Variants in SLC16A9 observed in about 807,000 individuals in gnomAD.
SLC16A9 encodes solute carrier family 16 member 9.
SLC16A9 carries 26 observed loss-of-function variants against 44.3 expected under a neutral mutation model. The observed-to-expected ratio is 0.59, with a 90% CI of 0.43 to 0.81. SLC16A9 has a LOEUF of 0.81. Ranked by LOEUF, SLC16A9 falls within the 40% of genes least tolerant of loss-of-function variation. The pLI is 0.00. For synonymous variants in SLC16A9, 230 were observed against 225.1 expected (o/e 1.02, Z -0.19); for missense variants, 559 against 595.8 (o/e 0.94, Z 0.64).
At chr10:59,683,611 G>A (rs902947324) in intron 2 of SLC16A9, among the ~76,000 whole-genome samples, 2 of 152,186 alleles carry the variant, frequency 1.3e-5, no homozygotes, top group Non-Finnish European at 2.9e-5. Flanking sequence ...TGACCACAGT[G>A]TATCTGAAAC....
chr10:59,664,045 A>AAAG (rs1554868150), intron 4 of SLC16A9, among the ~76,000 whole-genome samples, 182 bp downstream of exon 4: 4,279 of 151,016 alleles, frequency 0.028, 192 homozygotes, highest in African/African-American at 0.097. Flanking sequence ...AAAAAAAAAA[A>AAAG]AAAGAAAGCT....
chr10:59,679,685 T>C (rs1262689935), intron 2 of SLC16A9, among the ~76,000 whole-genome samples: 2 of 152,206 alleles, frequency 1.3e-5, no homozygotes, highest in Non-Finnish European at 2.9e-5. Flanking sequence ...TAGATTGGTG[T>C]TTGAACAACT....
At chr10:59,673,573 T>A (rs1839797880) in intron 2 of SLC16A9, among the ~76,000 whole-genome samples, 1 of 152,174 alleles carries the variant, frequency 6.6e-6, no homozygotes, top group Non-Finnish European at 1.5e-5. Flanking sequence ...GACCAAGGAT[T>A]TGAAAGCAAA....
rs979936566 is a variant in SLC16A9 at position 59,667,525 on chromosome 10, C to T, written c.341-3203G>A. Among the ~76,000 whole-genome samples the T allele has an allele frequency of 1.1e-4, 16 of 152,174 alleles. 1 individual carries two copies. Among genetic ancestry groups the T allele is most frequent in the Non-Finnish European group, 1.5e-4 (10 of 68,028 alleles). On this transcript the variant is annotated intron_variant, in intron 3 of 5. Transcript: ENST00000395348. Reference sequence around the variant, plus strand: ...TATTTACGTTAACATCTACTGGATTCGTTATCTTGAAATGAATAGCTAAAC... The same window carrying T: ...TATTTACGTTAACATCTACTGGATTTGTTATCTTGAAATGAATAGCTAAAC...
At chr10:59,698,700 A>C (rs1292640766) in intron 1 of SLC16A9, among the ~76,000 whole-genome samples, 2 of 150,170 alleles carry the variant, frequency 1.3e-5, no homozygotes, top group Non-Finnish European at 3.0e-5. Context: ...TCCAAGCCAC[A>C]CTCAGCTGAC....
chr10:59,657,721 C>T (rs180799491), intron 4 of SLC16A9, among the ~76,000 whole-genome samples: 7 of 152,332 alleles, frequency 4.6e-5, no homozygotes, highest in Non-Finnish European at 5.9e-5. Context: ...AGAATTATAA[C>T]TGCTAACACT....
chr10:59,654,002 T>A lies in SLC16A9; in HGVS notation c.1024A>T (p.Ile342Phe). 1 of 1,613,948 alleles carries A rather than the reference T, an allele frequency of 6.2e-7. No individual in the cohort carries two copies. The highest frequency in any genetic ancestry group is 1.3e-5 in the African/African-American group (1 of 75,060). Reference sequence around the variant, plus strand: ...CCTATAATGGAAATAAGTGGCATAATAAACTCTTCTTCTTTCACGTTTGAA... The same window carrying A: ...CCTATAATGGAAATAAGTGGCATAAAAAACTCTTCTTCTTTCACGTTTGAA... ...RSSNVKEEEF[I>F]MPLISIIGIM... is the part of the protein sequence containing the mutation. The change falls in exon 5 of 6, where the codon ATT becomes TTT. Residue 342 changes from isoleucine (I) to phenylalanine (F), a missense_variant. Ile to Phe is a conservative substitution (Grantham distance 21). Coordinates refer to ENST00000395348, the MANE Select transcript of SLC16A9 (RefSeq NM_194298.3).
chr10:59,651,814 A>G lies in SLC16A9; in HGVS notation c.*958T>C, dbSNP rs1291660299. ...TCACGTTTAATTCTGCCCTTGAATT[A>G]TATTTGATAGTGGTAAAATCTGATA... On this transcript the variant is annotated 3_prime_UTR_variant, in exon 6 of 6. Transcript: ENST00000395348. The G allele has an allele frequency of 1.3e-5, 2 of 152,096 alleles. No individual in the cohort carries two copies. The highest frequency in any genetic ancestry group is 2.4e-5 in the African/African-American group (1 of 41,406). 9.4% of individuals were successfully genotyped at this position (152,096 alleles called of 1,614,324 possible). A position where few individuals can be genotyped will look rare whatever the true frequency, so the allele number is the denominator to read the frequency against.
intron 4 of SLC16A9, among the ~76,000 whole-genome samples, chr10:59,659,522 G>A (rs1431867131): frequency 6.6e-6 from 1 of 152,124 alleles, no homozygotes; most frequent in Admixed American, 6.5e-5. Context: ...GACCTATAAG[G>A]AGACTTAGAC....
At chr10:59,674,850 G>A (rs1305498373) in intron 2 of SLC16A9, among the ~76,000 whole-genome samples, 2 of 152,182 alleles carry the variant, frequency 1.3e-5, no homozygotes, top group Non-Finnish European at 2.9e-5. Flanking sequence ...CTCAGAGCCT[G>A]GGAGTGTGGG....
chr10:59,673,760 C>G (rs1839801438), intron 2 of SLC16A9, among the ~76,000 whole-genome samples: 1 of 152,124 alleles, frequency 6.6e-6, no homozygotes, highest in Non-Finnish European at 1.5e-5. Context: ...GCTGTAAAAC[C>G]CAGAAGTTTC....
At chr10:59,660,380 C>T (rs188584631) in intron 4 of SLC16A9, among the ~76,000 whole-genome samples, 1 of 152,278 alleles carries the variant, frequency 6.6e-6, no homozygotes, top group East Asian at 1.9e-4. Context: ...CACCTCTACA[C>T]AAGTAAACTG....
At chr10:59,674,068 T>C (rs1331802388) in intron 2 of SLC16A9, among the ~76,000 whole-genome samples, 2 of 152,200 alleles carry the variant, frequency 1.3e-5, no homozygotes, top group Admixed American at 1.3e-4. Context: ...TTGCGGGGTA[T>C]TGCTCATGTT....
chr10:59,669,288 C>T (rs1002265214), intron 3 of SLC16A9, among the ~76,000 whole-genome samples: 2 of 152,136 alleles, frequency 1.3e-5, no homozygotes, highest in African/African-American at 4.8e-5. Flanking sequence ...CACTGTATTG[C>T]CTTTTGCCTG....
chr10:59,654,628 A>C (rs1158938496), intron 4 of SLC16A9, 39 bp from the exon 5 acceptor site: 2 of 1,472,424 alleles, frequency 1.4e-6, no homozygotes, highest in Middle Eastern at 1.8e-4. Flanking sequence ...TCGTAATCTG[A>C]GGCTCTCAGG....
Position 59,663,284 on chromosome 10 carries a change from C to T in SLC16A9, c.436+943G>A, listed in dbSNP as rs1015256459. On this transcript the variant is annotated intron_variant, in intron 4 of 5. Coordinates refer to ENST00000395348, the MANE Select transcript of SLC16A9 (RefSeq NM_194298.3). Reference sequence around the variant, plus strand: ...GCTGAGACAGGAGAATCACTTGAACCCGGGAGGCAGAGGTTGTGGTGAGCC... The same window carrying T: ...GCTGAGACAGGAGAATCACTTGAACTCGGGAGGCAGAGGTTGTGGTGAGCC... Among the ~76,000 whole-genome samples, 196 of 152,120 alleles carry T rather than the reference C, an allele frequency of 1.3e-3. 2 individuals carry two copies. The highest frequency in any genetic ancestry group is 4.6e-3 in the African/African-American group (189 of 41,488).
At chr10:59,708,675 CA>C (rs1840696411) in intron 1 of SLC16A9, 1 of 152,218 alleles carries the variant, frequency 6.6e-6, no homozygotes, top group Non-Finnish European at 1.5e-5. Context: ...ATAGACTAGG[CA>C]CCCAGAAAAC....
chr10:59,654,844 A>G (rs1489440890), intron 4 of SLC16A9, among the ~76,000 whole-genome samples: 1 of 152,200 alleles, frequency 6.6e-6, no homozygotes, highest in Non-Finnish European at 1.5e-5. Context: ...GCTTTTACTG[A>G]TCCCATTGAG....
rs1839237133 is a variant in SLC16A9 at position 59,652,837 on chromosome 10, A to G, written c.1465T>C (p.Cys489Arg). 6 of 1,613,908 alleles carry G rather than the reference A, an allele frequency of 3.7e-6. No individual in the cohort carries two copies. Among genetic ancestry groups the G allele is most frequent in the East Asian group, 2.2e-5 (1 of 44,866 alleles). ...GCTGGCTTGGGGAGTTGCTTGTTGC[A>G]TGTATCCCAAGAGGGCAAGGCTGCC... The part of the protein sequence containing the change: ...LLAALPSWDT[C>R]NKQLPKPAPT... Residue 489 changes from cysteine (C) to arginine (R), a missense_variant, in exon 6 of 6, where the codon TGC becomes CGC. Coordinates refer to ENST00000395348, the MANE Select transcript of SLC16A9 (RefSeq NM_194298.3).
Sources: gnomAD v4.1 joint callset for allele counts (sites outside exome capture counted in the v4.1 genomes callset) on GRCh38, gnomAD v4.1.1 for gene constraint, MANE v1.5 for transcripts, NCBI Gene and HGNC (gene_info 2026-07-23, HGNC 2026-07-21) for gene names.